The following SCARA5 variants were observed in gnomAD, a reference collection of about 807,000 sequenced individuals.
The protein encoded by SCARA5 is scavenger receptor class A, member 5 (putative).
Under a neutral mutation model 46.3 loss-of-function variants are expected in SCARA5, and 45 were observed. That is an observed-to-expected ratio of 0.97 (90% CI 0.76 to 1.24). SCARA5 has a LOEUF of 1.24. Among genes scored for constraint, SCARA5 ranks in the 50% most tolerant of loss-of-function variants. SCARA5 has a pLI of 0.00. For missense variants in SCARA5, 680 were observed against 689.0 expected (o/e 0.99, Z 0.15); for synonymous variants, 333 against 306.5 (o/e 1.09, Z -0.90).
intron 2 of SCARA5, among the ~76,000 whole-genome samples, chr8:27,981,691 C>T (rs987563693): frequency 1.3e-5 from 2 of 152,200 alleles, no homozygotes; most frequent in African/African-American, 4.8e-5. Flanking sequence ...CACGTGTCAC[C>T]AAGCCACTCC....
chr8:27,894,557 T>G (rs1807031631), intron 7 of SCARA5, among the ~76,000 whole-genome samples: 1 of 152,166 alleles, frequency 6.6e-6, no homozygotes, highest in Non-Finnish European at 1.5e-5. Flanking sequence ...TCGTAGGTGA[T>G]TTTGGTGCAC....
intron 7 of SCARA5, among the ~76,000 whole-genome samples, chr8:27,890,678 A>AG (rs1367113019): frequency 3.3e-5 from 5 of 151,774 alleles, no homozygotes; most frequent in Non-Finnish European, 5.9e-5. Flanking sequence ...CCACCTGCTC[A>AG]GGGTGGGAGG....
At chr8:27,959,599 G>A (rs924316640) in intron 3 of SCARA5, among the ~76,000 whole-genome samples, 5 of 152,200 alleles carry the variant, frequency 3.3e-5, no homozygotes, top group African/African-American at 9.6e-5. Flanking sequence ...CACAAAGGTG[G>A]AGGAACTGGG....
At chr8:27,971,463 A>G (rs1808446669) in intron 2 of SCARA5, among the ~76,000 whole-genome samples, 1 of 152,224 alleles carries the variant, frequency 6.6e-6, no homozygotes, top group Admixed American at 6.5e-5. Flanking sequence ...CTCTGTGTGA[A>G]CCATCTGCAG....
chr8:27,959,249 A>T (rs188381670), intron 3 of SCARA5, among the ~76,000 whole-genome samples: 1 of 152,196 alleles, frequency 6.6e-6, no homozygotes. Context: ...AAAAAGAAAA[A>T]ATAGTAAGTC....
At chr8:27,925,294 A>G (rs1272318866) in intron 3 of SCARA5, among the ~76,000 whole-genome samples, 1 of 152,234 alleles carries the variant, frequency 6.6e-6, no homozygotes, top group Non-Finnish European at 1.5e-5. Flanking sequence ...ACAGAGATAT[A>G]GACCAATGGA....
intron 2 of SCARA5, among the ~76,000 whole-genome samples, chr8:27,967,749 C>A (rs1393331424): frequency 6.6e-6 from 1 of 152,100 alleles, no homozygotes; most frequent in African/African-American, 2.4e-5. Context: ...CCTGTCTCTA[C>A]TAAAAATACA....
At chr8:27,911,814 G>A (rs746353062) in intron 4 of SCARA5, among the ~76,000 whole-genome samples, 3 of 152,234 alleles carry the variant, frequency 2.0e-5, no homozygotes, top group Admixed American at 6.5e-5. Context: ...TTTGGAAATA[G>A]TGTCTTTGCA....
chr8:27,921,059 A>G (rs207469015), intron 4 of SCARA5, among the ~76,000 whole-genome samples: 1 of 152,274 alleles, frequency 6.6e-6, no homozygotes, highest in South Asian at 2.1e-4. Flanking sequence ...TGATCGTTCA[A>G]TGAAATACGT....
At chr8:27,975,438 G>T (rs772175295) in intron 2 of SCARA5, among the ~76,000 whole-genome samples, 3 of 152,156 alleles carry the variant, frequency 2.0e-5, no homozygotes, top group Non-Finnish European at 4.4e-5. Context: ...TGGGAACCCC[G>T]ATTTATAGCC....
At chr8:27,914,540 C>T (rs1465106006) in intron 4 of SCARA5, among the ~76,000 whole-genome samples, 2 of 152,242 alleles carry the variant, frequency 1.3e-5, no homozygotes, top group East Asian at 3.9e-4. Context: ...GTGGCCTGTG[C>T]CTTGCACACA....
chr8:27,913,346 G>A (rs966463506), intron 4 of SCARA5, among the ~76,000 whole-genome samples: 33 of 152,200 alleles, frequency 2.2e-4, no homozygotes, highest in African/African-American at 1.4e-4. Context: ...TCGAGGGGCC[G>A]AGCTGCCAGG....
chr8:27,925,369 C>G (rs1037835748), intron 3 of SCARA5, among the ~76,000 whole-genome samples: 1 of 152,092 alleles, frequency 6.6e-6, no homozygotes, highest in Non-Finnish European at 1.5e-5. Context: ...ACAAACCTGA[C>G]AAAAACAAGA....
intron 7 of SCARA5, among the ~76,000 whole-genome samples, chr8:27,895,664 A>C (rs932890896): frequency 3.3e-5 from 5 of 152,222 alleles, no homozygotes; most frequent in African/African-American, 1.2e-4. Context: ...TAAGGCGGCC[A>C]CGCCAGGACC....
chr8:27,962,623 G>T (rs966623022), intron 3 of SCARA5, among the ~76,000 whole-genome samples: 4 of 152,184 alleles, frequency 2.6e-5, no homozygotes, highest in Non-Finnish European at 2.9e-5. Context: ...GGACAGACCT[G>T]CTTGAAACAA....
At chr8:27,971,190 C>T (rs1185793232) in intron 2 of SCARA5, among the ~76,000 whole-genome samples, 2 of 152,186 alleles carry the variant, frequency 1.3e-5, no homozygotes, top group African/African-American at 2.4e-5. Flanking sequence ...ATGCATAAAA[C>T]GGTAATTGCA....
chr8:27,966,080 C>T (rs2685400), intron 3 of SCARA5, among the ~76,000 whole-genome samples: 81,757 of 151,978 alleles, frequency 0.54, 22,216 homozygotes, highest in South Asian at 0.66. Flanking sequence ...GCTTAGACAA[C>T]GCCCAGCCTT....
chr8:27,930,614 C>T (rs1320957876), intron 3 of SCARA5, among the ~76,000 whole-genome samples: 1 of 152,164 alleles, frequency 6.6e-6, no homozygotes, highest in Non-Finnish European at 1.5e-5. Flanking sequence ...GTTGGTCAGG[C>T]TGGTCTCGAA....
chr8:27,954,500 C>T (rs188375540), intron 3 of SCARA5, among the ~76,000 whole-genome samples: 9 of 152,228 alleles, frequency 5.9e-5, no homozygotes, highest in African/African-American at 9.6e-5. Flanking sequence ...TTTCCCTTAA[C>T]GCAATTTCAT....
Sources: gnomAD v4.1 joint callset for allele counts (sites outside exome capture counted in the v4.1 genomes callset) on GRCh38, gnomAD v4.1.1 for gene constraint, MANE v1.5 for transcripts, NCBI Gene and HGNC (gene_info 2026-07-23, HGNC 2026-07-21) for gene names.